The following CES2 variants were observed in gnomAD, a reference collection of about 807,000 sequenced individuals.
CES2 encodes the protein carboxylesterase 2.
CES2 carries 42 observed loss-of-function variants against 52.1 expected under a neutral mutation model. The observed-to-expected ratio is 0.81, with a 90% CI of 0.63 to 1.04. CES2 has a LOEUF of 1.04. CES2 is among the 50% of genes least tolerant of loss of function. The pLI is 0.00. For missense variants in CES2, 656 were observed against 724.3 expected, an observed-to-expected ratio of 0.91 and a Z score of 1.08; for synonymous variants, 277 against 289.6, an observed-to-expected ratio of 0.96 and a Z score of 0.44.
chr16:66,939,096 G>T (rs1364424074), intron 2 of CES2, 121 bp from the exon 3 acceptor site: 2 of 801,138 alleles, frequency 2.5e-6, no homozygotes, highest in East Asian at 2.6e-5. Context: ...TTTTGAGAGG[G>T]ATCATGTGTG....
Position 66,943,360 on chromosome 16 carries a change from T to C in CES2, c.1482T>C (p.Phe494=), listed in dbSNP as rs768946013. Residue 494 remains phenylalanine (F), a synonymous_variant, in exon 11 of 12, where the codon TTT becomes TTC. Transcript: ENST00000317091. The surrounding 1 kb of genome is among the most constrained non-coding windows in gnomAD (Gnocchi z 4.2). Reference sequence around the variant, plus strand: ...AGATGATGAAGTACTGGGCCAACTTTGCGAGAAATGGGTGAGACAGCACAC... The same window carrying C: ...AGATGATGAAGTACTGGGCCAACTTCGCGAGAAATGGGTGAGACAGCACAC... ...SRKMMKYWAN[F]ARNGNPNGEG... The C allele has an allele frequency of 4.3e-6, 7 of 1,614,002 alleles. No homozygotes were observed. Among genetic ancestry groups the C allele is most frequent in the Non-Finnish European group, 5.9e-6 (7 of 1,179,956 alleles).
intron 1 of CES2, chr16:66,935,951 A>C: frequency 7.1e-7 from 1 of 1,418,258 alleles, no homozygotes; most frequent in Admixed American, 2.9e-5. Context: ...CAGGGGCCCC[A>C]GGAGCGCCGG....
chr16:66,939,714 C>G (rs753985935), intron 3 of CES2, among the ~76,000 whole-genome samples: 1 of 152,238 alleles, frequency 6.6e-6, no homozygotes, highest in Non-Finnish European at 1.5e-5. Context: ...CACACAAAAA[C>G]TTTTTTTCTT....
At position 66,938,226 on chromosome 16, in the gene CES2, C is replaced by T; in HGVS notation, c.266C>T (p.Thr89Ile). Residue 89 changes from threonine (T) to isoleucine (I), a missense_variant, in exon 2 of 12, where the codon ACC (threonine) becomes ATC (isoleucine). By Grantham distance (89) the Thr-to-Ile change is moderately conservative (BLOSUM62 -1). Transcript: ENST00000317091. ...PESWSGVRDG[T>I]THPAMCLQDL... The stretch of plus-strand genomic sequence containing the variant: ...TCTTGGAGTGGTGTGAGGGATGGAA[C>T]CACCCATCCGGCCATGTAAGCTCTC... 6.2e-7 allele frequency: 1 copy of T among 1,613,230 alleles called. No individual in the cohort carries two copies. Among genetic ancestry groups the T allele is most frequent in the East Asian group, 2.2e-5 (1 of 44,882 alleles).
At position 66,939,335 on chromosome 16, in the gene CES2, A is replaced by G; in HGVS notation, c.400A>G (p.Ser134Gly). ...CCTCAGCATCTACACGCCGGCCCAT[A>G]GCCATGAAGGCTCTAACCTGCCGGT... ...LYLSIYTPAH[S>G]HEGSNLPVMV... Residue 134 changes from serine (S) to glycine (G), a missense_variant, in exon 3 of 12, where the codon AGC becomes GGC. Coordinates refer to ENST00000317091, the MANE Select transcript of CES2 (RefSeq NM_001365405.1). 6.2e-7 allele frequency: 1 copy of G among 1,614,176 alleles called. No individual in the cohort carries two copies. The highest frequency in any genetic ancestry group is 8.5e-7 in the Non-Finnish European group (1 of 1,180,030).
Position 66,943,412 on chromosome 16 carries a change from G to T in CES2, c.1493+41G>T, listed in dbSNP as rs886335116. On this transcript the variant is annotated intron_variant, in intron 11 of 11. Coordinates refer to ENST00000317091, the MANE Select transcript of CES2 (RefSeq NM_001365405.1). This position sits in a 1 kb window ranked among gnomAD's most constrained non-coding sequence, Gnocchi z 4.2. ...CCTGCCTCAACCTCCCCGATTGGGGGACTTGTGCCCATCCAGTGCTCTCCT... is the reference window on the plus strand; with the variant it reads ...CCTGCCTCAACCTCCCCGATTGGGGTACTTGTGCCCATCCAGTGCTCTCCT... 8 of 1,606,408 alleles carry T rather than the reference G, an allele frequency of 5.0e-6. No homozygotes were observed. Among genetic ancestry groups the T allele is most frequent in the Admixed American group, 1.7e-5 (1 of 59,984 alleles).
chr16:66,944,095 C>T lies in CES2; in HGVS notation c.*70C>T, dbSNP rs1963432992. On this transcript the variant is annotated 3_prime_UTR_variant, in exon 12 of 12. Coordinates refer to ENST00000317091, the MANE Select transcript of CES2 (RefSeq NM_001365405.1). ...GGTCAGCCTGCTGTGCCCACACACA[C>T]CCACTAAGGAGAAAGAAGTTGATTC... The T allele has an allele frequency of 4.2e-6, 3 of 720,752 alleles. No homozygotes were observed. The highest frequency in any genetic ancestry group is 6.4e-6 in the Non-Finnish European group (3 of 465,864). 44.6% of individuals were successfully genotyped at this position (720,752 alleles called of 1,614,324 possible). A position where few individuals can be genotyped will look rare whatever the true frequency, so the allele number is the denominator to read the frequency against.
rs771543488 is a variant in CES2, at chr16:66,939,325, G to A, written c.390G>A (p.Thr130=). The part of the protein sequence containing the change: ...SEDCLYLSIY[T]PAHSHEGSNL... ...ACTGCCTGTACCTCAGCATCTACAC[G>A]CCGGCCCATAGCCATGAAGGCTCTA... The change falls in exon 3 of 12, where the codon ACG becomes ACA. Residue 130 remains threonine, a synonymous_variant. Coordinates refer to ENST00000317091, the MANE Select transcript of CES2 (RefSeq NM_001365405.1). 10 of 1,614,130 alleles carry A rather than the reference G, an allele frequency of 6.2e-6. No individual in the cohort carries two copies. Among genetic ancestry groups the A allele is most frequent in the South Asian group, 2.2e-5 (2 of 91,090 alleles).
Position 66,944,189 on chromosome 16 carries a change from T to A in CES2, c.*164T>A. On this transcript the variant is annotated 3_prime_UTR_variant, in exon 12 of 12. Transcript: ENST00000317091. The stretch of plus-strand genomic sequence containing the variant: ...CAGAAAGCATTTATTAAGAATTTAC[T>A]CAGGCATGATGGCCCATACTTGTAA... The A allele has an allele frequency of 2.1e-6, 1 of 472,072 alleles. No individual in the cohort carries two copies. The highest frequency in any genetic ancestry group is 3.4e-5 in the East Asian group (1 of 29,790). The allele number at this position is 472,072 out of a possible 1,614,324, so 29.2% of individuals were successfully genotyped here. A position where few individuals can be genotyped will look rare whatever the true frequency, so the allele number is the denominator to read the frequency against.
In CES2 at chr16:66,941,212, C is replaced by A. The variant is rs538859301; in HGVS notation, c.905C>A (p.Ala302Glu). ...GGCAAGAGTAAAGAGGAGATTCTTGCAATTAACAAGGTTGGTCTAAATGGA... is the reference window on the plus strand; with the variant it reads ...GGCAAGAGTAAAGAGGAGATTCTTGAAATTAACAAGGTTGGTCTAAATGGA... ...LRGKSKEEIL[A>E]INKPFKMIPG... The change falls in exon 6 of 12, where the codon GCA becomes GAA. Residue 302 changes from alanine to glutamate, a missense_variant. Ala to Glu is a moderately radical substitution (Grantham distance 107). Transcript: ENST00000317091. 3.1e-6 allele frequency: 5 copies of A among 1,614,100 alleles called. No homozygotes were observed. The highest frequency in any genetic ancestry group is 1.7e-4 in the Middle Eastern group (1 of 6,056).
At position 66,935,709 on chromosome 16, in the gene CES2, A is replaced by G; in HGVS notation, c.74A>G (p.Gln25Arg). The G allele has an allele frequency of 6.2e-7, 1 of 1,600,142 alleles. No individual in the cohort carries two copies. The highest frequency in any genetic ancestry group is 8.5e-7 in the Non-Finnish European group (1 of 1,179,816). Reference protein sequence around the residue: ...CGLLLLLVRGQGQDSASPIRT... With the variant: ...CGLLLLLVRGRGQDSASPIRT... ...CTTCTGCTGCTTCTTGTCCGGGGCCAGGGTGAGGCTCCCTCGGAGGGGCGA... is the reference window on the plus strand; with the variant it reads ...CTTCTGCTGCTTCTTGTCCGGGGCCGGGGTGAGGCTCCCTCGGAGGGGCGA... The change falls in exon 1 of 12, where the codon CAG becomes CGG. Residue 25 changes from glutamine to arginine, a missense_variant and splice_region_variant. Gln to Arg is a conservative substitution (Grantham distance 43, BLOSUM62 1). Coordinates refer to ENST00000317091, the MANE Select transcript of CES2 (RefSeq NM_001365405.1).
chr16:66,941,416 G>A lies in CES2; in HGVS notation c.916-90G>A, dbSNP rs1440284721. On this transcript the variant is annotated intron_variant, in intron 6 of 11. Coordinates refer to ENST00000317091, the MANE Select transcript of CES2 (RefSeq NM_001365405.1). Reference sequence around the variant, plus strand: ...CCTGGGGTGGGTATGAGCATCCAGGGATAAACTGGGAAGGAGTGGAAGGTA... The same window carrying A: ...CCTGGGGTGGGTATGAGCATCCAGGAATAAACTGGGAAGGAGTGGAAGGTA... 6.4e-6 allele frequency: 10 copies of A among 1,555,014 alleles called. No individual in the cohort carries two copies. The Admixed American group carries it at 1.6e-4, about 24-fold the overall frequency.
chr16:66,940,180 G>T (rs1238985507), intron 3 of CES2, 42 bp from the exon 4 acceptor site: 1 of 1,607,956 alleles, frequency 6.2e-7, no homozygotes, highest in Admixed American at 1.7e-5. Context: ...GTGGGGTTTG[G>T]GCTGGGTGGG....
chr16:66,938,365 T>C (rs1433728577), intron 2 of CES2, 124 bp downstream of exon 2: 1 of 714,684 alleles, frequency 1.4e-6, no homozygotes, highest in Non-Finnish European at 2.4e-6. Flanking sequence ...CTTCTGAGTT[T>C]CGTGGATTCC....
At chr16:66,936,124 C>G in intron 1 of CES2, 1 of 755,812 alleles carries the variant, frequency 1.3e-6, no homozygotes. Context: ...TGTGTGGCGT[C>G]CTTGGCCAGG....
chr16:66,944,100 T>A lies in CES2; in HGVS notation c.*75T>A. On this transcript the variant is annotated 3_prime_UTR_variant, in exon 12 of 12. Coordinates refer to ENST00000317091, the MANE Select transcript of CES2 (RefSeq NM_001365405.1). The stretch of plus-strand genomic sequence containing the variant: ...GCCTGCTGTGCCCACACACACCCAC[T>A]AAGGAGAAAGAAGTTGATTCCTTCA... 1 of 690,032 alleles carries A rather than the reference T, an allele frequency of 1.4e-6. No homozygotes were observed. Among genetic ancestry groups the A allele is most frequent in the Non-Finnish European group, 2.3e-6 (1 of 440,562 alleles). The allele number at this position is 690,032 out of a possible 1,614,324, so 42.7% of individuals were successfully genotyped here.
chr16:66,941,134 A>T lies in CES2; in HGVS notation c.827A>T (p.Asn276Ile), dbSNP rs781015392. 1.9e-6 allele frequency: 3 copies of T among 1,613,842 alleles called. No individual in the cohort carries two copies. The highest frequency in any genetic ancestry group is 2.5e-6 in the Non-Finnish European group (3 of 1,179,936). Reference protein sequence around the residue: ...SADVISTVVANLSACDQVDSE... With the variant: ...SADVISTVVAILSACDQVDSE... ...CTGGTCCCTTTACAGGTGGTGGCCA[A>T]CCTGTCTGCCTGTGACCAAGTTGAC... The change falls in exon 6 of 12, where the codon AAC (asparagine) becomes ATC (isoleucine). Residue 276 changes from asparagine (N) to isoleucine (I), a missense_variant. Transcript: ENST00000317091.
At position 66,943,851 on chromosome 16, in the gene CES2, C is replaced by T. The variant is rs771779336; in HGVS notation, c.1506C>T (p.Gly502=). The T allele has an allele frequency of 2.4e-5, 38 of 1,596,316 alleles. No individual in the cohort carries two copies. In the Middle Eastern group the frequency reaches 7.4e-4, roughly 31 times the overall value. The change falls in exon 12 of 12, where the codon GGC becomes GGT. Residue 502 remains glycine (G), a synonymous_variant. Coordinates refer to ENST00000317091, the MANE Select transcript of CES2 (RefSeq NM_001365405.1). This position sits in a 1 kb window ranked among gnomAD's most constrained non-coding sequence, Gnocchi z 4.2. ...GGCATGTCTACAGGAACCCCAATGG[C>T]GAGGGTCTGCCACACTGGCCGCTGT... ...ANFARNGNPN[G]EGLPHWPLFD...
rs1360247689 is a variant in CES2, at chr16:66,941,566, C to G, written c.976C>G (p.Leu326Val). 6.2e-7 allele frequency: 1 copy of G among 1,614,190 alleles called. No homozygotes were observed. The highest frequency in any genetic ancestry group is 1.7e-5 in the Admixed American group (1 of 60,020). Residue 326 changes from leucine to valine, a missense_variant, in exon 7 of 12, where the codon CTG (leucine) becomes GTG (valine). Physicochemically the swap from Leu to Val is conservative, Grantham distance 32. Coordinates refer to ENST00000317091, the MANE Select transcript of CES2 (RefSeq NM_001365405.1). Reference protein sequence around the residue: ...GVFLPRHPQELLASADFQPVP... With the variant: ...GVFLPRHPQEVLASADFQPVP... ...CTTCCTGCCCAGGCACCCCCAGGAG[C>G]TGCTGGCCTCTGCCGACTTTCAGCC...
Sources: allele counts gnomAD v4.1 joint callset (sites outside exome capture counted in the v4.1 genomes callset), GRCh38; gene constraint gnomAD v4.1.1; non-coding constraint Gnocchi (gnomAD v3.1); transcripts MANE v1.5; gene names NCBI Gene and HGNC (gene_info 2026-07-23, HGNC 2026-07-21).